The following PDZRN4 variants were observed in gnomAD, a reference collection of about 807,000 sequenced individuals.
The protein encoded by PDZRN4 is PDZ domain-containing RING finger protein 4.
PDZRN4 carries 70 observed loss-of-function variants against 99.0 expected under a neutral mutation model. The ratio of observed to expected loss-of-function variants is 0.71; its 90% CI spans 0.58 to 0.86. The LOEUF (loss-of-function observed/expected upper bound fraction) is 0.86, where lower values mean the gene tolerates loss of function less well. Ranked by LOEUF, PDZRN4 falls within the 40% of genes least tolerant of loss-of-function variation. PDZRN4 has a pLI of 0.00. For synonymous variants in PDZRN4, 551 were observed against 501.6 expected, an observed-to-expected ratio of 1.10 and a Z score of -1.32; for missense variants, 1,474 against 1,331.2, an observed-to-expected ratio of 1.11 and a Z score of -1.67.
Position 41,540,869 on chromosome 12 carries a change from TG to T in PDZRN4, c.1204-11786del, listed in dbSNP as rs1565609903. ...CCCCAAGGCCCCTTTTCTTCGTTGT[TG>T]TTGTTGTTGTTGTTGTTGTTGTCCC... On this transcript the variant is annotated intron_variant, in intron 5 of 9. Coordinates refer to ENST00000402685, the MANE Select transcript of PDZRN4 (RefSeq NM_001164595.2). 1.1e-3 allele frequency among the ~76,000 whole-genome samples: 127 copies of T among 117,684 alleles called. 1 individual carries two copies. The Middle Eastern group carries it at 0.027, about 25-fold the overall frequency. The allele number at this position is 117,684 out of a possible 152,430, so 77.2% of individuals were successfully genotyped here. A position where few individuals can be genotyped will look rare whatever the true frequency, so the allele number is the denominator to read the frequency against.
chr12:41,207,827 A>C (rs1950861918), intron 3 of PDZRN4, among the ~76,000 whole-genome samples: 1 of 151,858 alleles, frequency 6.6e-6, no homozygotes, highest in African/African-American at 2.4e-5. Context: ...ATGGCTGGTT[A>C]ATATGAAGGA....
intron 3 of PDZRN4, among the ~76,000 whole-genome samples, chr12:41,311,019 T>TATTA (rs1951603093): frequency 1.3e-5 from 2 of 152,130 alleles, no homozygotes; most frequent in Non-Finnish European, 2.9e-5. Context: ...TCAGCACAGA[T>TATTA]AACAACTATT....
chr12:41,452,284 A>T (rs1408981067), intron 3 of PDZRN4, among the ~76,000 whole-genome samples: 1 of 151,576 alleles, frequency 6.6e-6, no homozygotes, highest in African/African-American at 2.4e-5. Context: ...CAAAAAAAAA[A>T]AAAAATTAGC....
intron 3 of PDZRN4, among the ~76,000 whole-genome samples, chr12:41,336,787 T>A (rs1949950): frequency 3.3e-5 from 5 of 151,712 alleles, no homozygotes; most frequent in African/African-American, 1.2e-4. Flanking sequence ...TGGGGGTCGC[T>A]GTGAGTTTTT....
At chr12:41,373,249 T>C (rs867094329) in intron 3 of PDZRN4, among the ~76,000 whole-genome samples, 1 of 152,100 alleles carries the variant, frequency 6.6e-6, no homozygotes, top group African/African-American at 2.4e-5. Flanking sequence ...GCACAGATTG[T>C]CATTGATAGC....
chr12:41,284,226 C>A (rs1192663169), intron 3 of PDZRN4, among the ~76,000 whole-genome samples: 1 of 152,086 alleles, frequency 6.6e-6, no homozygotes, highest in Non-Finnish European at 1.5e-5. Context: ...AACAGACAAA[C>A]AAAGAGCCAA....
intron 3 of PDZRN4, among the ~76,000 whole-genome samples, chr12:41,317,139 C>A (rs1442305628): frequency 1.4e-5 from 2 of 144,630 alleles, no homozygotes; most frequent in African/African-American, 5.0e-5. Flanking sequence ...TTGCATAATT[C>A]TCATATATAT....
chr12:41,419,016 G>A (rs1309070654), intron 3 of PDZRN4, among the ~76,000 whole-genome samples: 2 of 152,158 alleles, frequency 1.3e-5, no homozygotes, highest in African/African-American at 4.8e-5. Context: ...ACTCCATTCA[G>A]AGATAAAGTA....
rs12311034 is a variant in PDZRN4 at position 41,566,928 on chromosome 12, T to C, written c.1468-855T>C. Among the ~76,000 whole-genome samples the C allele has an allele frequency of 9.5e-3, 1,443 of 152,300 alleles. 29 individuals are homozygous for C. Among genetic ancestry groups the C allele is most frequent in the African/African-American group, 0.033 (1,385 of 41,566 alleles). ...CCACTTTGAGGCAAATTATCTGTAG[T>C]AACTGTCAACACTGATCATATTAGA... On this transcript the variant is annotated intron_variant, in intron 8 of 9. Coordinates refer to ENST00000402685, the MANE Select transcript of PDZRN4 (RefSeq NM_001164595.2).
At position 41,458,793 on chromosome 12, in the gene PDZRN4, G is replaced by A. The variant is rs1242484479; in HGVS notation, c.844-47663G>A. Among the ~76,000 whole-genome samples, 5 of 152,122 alleles carry A rather than the reference G, an allele frequency of 3.3e-5. No individual in the cohort carries two copies. The East Asian group carries it at 9.6e-4, about 29-fold the overall frequency. ...TCTGGGCAAGAGTAGTGAGAATAGGGGCAGAGAGCTGGCTTGGAAGACATG... is the reference window on the plus strand; with the variant it reads ...TCTGGGCAAGAGTAGTGAGAATAGGAGCAGAGAGCTGGCTTGGAAGACATG... On this transcript the variant is annotated intron_variant, in intron 3 of 9. Transcript: ENST00000402685.
chr12:41,217,279 G>T (rs1950927528), intron 3 of PDZRN4, among the ~76,000 whole-genome samples: 2 of 152,028 alleles, frequency 1.3e-5, no homozygotes, highest in African/African-American at 2.4e-5. Flanking sequence ...GGCTTCATGG[G>T]TGATTACTGG....
intron 3 of PDZRN4, among the ~76,000 whole-genome samples, chr12:41,485,825 C>T (rs1937763742): frequency 1.3e-5 from 2 of 152,074 alleles, no homozygotes. Flanking sequence ...GACAGTTTAC[C>T]ATTTCCTGTA....
At chr12:41,467,855 A>C (rs1180868689) in intron 3 of PDZRN4, among the ~76,000 whole-genome samples, 1 of 152,222 alleles carries the variant, frequency 6.6e-6, no homozygotes, top group Non-Finnish European at 1.5e-5. Flanking sequence ...TTCATAATTC[A>C]TGGTGTATTC....
At chr12:41,214,509 G>C (rs1180142112) in intron 3 of PDZRN4, among the ~76,000 whole-genome samples, 1 of 141,614 alleles carries the variant, frequency 7.1e-6, no homozygotes, top group Non-Finnish European at 1.5e-5. Flanking sequence ...TGATCCTCTA[G>C]ATCCGAACCT....
intron 3 of PDZRN4, among the ~76,000 whole-genome samples, chr12:41,368,037 C>G (rs1054867966): frequency 5.9e-5 from 9 of 152,074 alleles, no homozygotes; most frequent in Non-Finnish European, 1.2e-4. Flanking sequence ...TGAGTTACCT[C>G]CCTATCTAAT....
rs10529599 is a variant in PDZRN4, at chr12:41,446,245, C to CTTTA, written c.844-60191_844-60188dup. Among the ~76,000 whole-genome samples the CTTTA allele has an allele frequency of 8.8e-4, 130 of 148,392 alleles. No homozygotes were observed. In the East Asian group the frequency reaches 0.013, roughly 15 times the overall value. On this transcript the variant is annotated intron_variant, in intron 3 of 9. Transcript: ENST00000402685. ...GTAGCTTTATAGAAACATTGTAGGG[C>CTTTA]TTTATTTATTTATTTATTTATTTTG...
intron 7 of PDZRN4, among the ~76,000 whole-genome samples, chr12:41,558,919 T>C (rs1237073765): frequency 1.3e-5 from 2 of 152,184 alleles, no homozygotes; most frequent in Non-Finnish European, 2.9e-5. Context: ...GGATACCCTG[T>C]AATGAGCAGT....
intron 3 of PDZRN4, among the ~76,000 whole-genome samples, chr12:41,256,637 G>A (rs1951206324): frequency 6.6e-6 from 1 of 152,170 alleles, no homozygotes; most frequent in Non-Finnish European, 1.5e-5. Flanking sequence ...ACTTTATATA[G>A]TATCTTGCCA....
chr12:41,355,905 G>T (rs1287836576), intron 3 of PDZRN4, among the ~76,000 whole-genome samples: 1 of 152,018 alleles, frequency 6.6e-6, no homozygotes, highest in African/African-American at 2.4e-5. Flanking sequence ...TCAGTACAAT[G>T]ACAATCACCC....
Sources: gnomAD v4.1 joint callset for allele counts (sites outside exome capture counted in the v4.1 genomes callset) on GRCh38, gnomAD v4.1.1 for gene constraint, MANE v1.5 for transcripts, NCBI Gene and HGNC (gene_info 2026-07-23, HGNC 2026-07-21) for gene names.